MYO3B: variants seen among roughly 807,000 people sequenced by gnomAD.
MYO3B encodes myosin IIIB, also known as myosin-IIIb.
A neutral mutation model predicts 174.6 loss-of-function variants in MYO3B; 156 were observed. That is an observed-to-expected ratio of 0.89 (90% CI 0.78 to 1.02). MYO3B has a LOEUF of 1.02. Among genes scored for constraint, MYO3B ranks in the 50% least tolerant of loss-of-function variants. The pLI is 0.00. For missense variants in MYO3B, 1,632 were observed against 1,639.4 expected (o/e 1.00, Z 0.08); for synonymous variants, 563 against 569.1 (o/e 0.99, Z 0.15).
intron 32 of MYO3B, chr2:170,602,300 G>A (rs1694563226): frequency 2.8e-6 from 2 of 720,468 alleles, no homozygotes; most frequent in African/African-American, 1.7e-5. Context: ...CCCCGGCACT[G>A]TCTCTGTGGA....
At chr2:170,370,012 G>A (rs2094228763) in intron 9 of MYO3B, among the ~76,000 whole-genome samples, 1 of 151,462 alleles carries the variant, frequency 6.6e-6, no homozygotes, top group Admixed American at 6.6e-5. Flanking sequence ...TTATACAAAT[G>A]TTTATTTTCA....
chr2:170,561,251 C>G (rs1240637534), intron 32 of MYO3B, among the ~76,000 whole-genome samples: 1 of 152,188 alleles, frequency 6.6e-6, no homozygotes, highest in Non-Finnish European at 1.5e-5. Context: ...CTCTCATCTA[C>G]CACCCTGAGC....
At chr2:170,419,219 C>T (rs974712850) in intron 22 of MYO3B, among the ~76,000 whole-genome samples, 5 of 152,204 alleles carry the variant, frequency 3.3e-5, no homozygotes, top group African/African-American at 1.2e-4. Flanking sequence ...CTCCGAGGAT[C>T]AGGACGTACT....
chr2:170,499,475 A>G (rs1559059485), intron 26 of MYO3B, among the ~76,000 whole-genome samples, 171 bp from the exon 27 acceptor site: 1 of 152,228 alleles, frequency 6.6e-6, no homozygotes, highest in African/African-American at 2.4e-5. Flanking sequence ...GCTCAATCTT[A>G]GAAGGAGAAT....
chr2:170,544,649 A>G (rs767774401), intron 32 of MYO3B, among the ~76,000 whole-genome samples: 6 of 152,196 alleles, frequency 3.9e-5, no homozygotes, highest in Non-Finnish European at 8.8e-5. Flanking sequence ...ATATAAAGTA[A>G]TTTCTCAGAT....
At chr2:170,445,828 A>C (rs2094837834) in intron 23 of MYO3B, among the ~76,000 whole-genome samples, 2 of 152,060 alleles carry the variant, frequency 1.3e-5, no homozygotes, top group African/African-American at 4.8e-5. Context: ...TGTAGAGATG[A>C]GGTCTTGCTA....
intron 32 of MYO3B, among the ~76,000 whole-genome samples, chr2:170,604,617 T>C (rs1170574196): frequency 6.6e-6 from 1 of 152,176 alleles, no homozygotes; most frequent in Non-Finnish European, 1.5e-5. Flanking sequence ...TAATTCTTTC[T>C]GAAATAAAAG....
chr2:170,530,509 G>A (rs151246240), intron 30 of MYO3B, among the ~76,000 whole-genome samples: 1 of 152,272 alleles, frequency 6.6e-6, no homozygotes, highest in South Asian at 2.1e-4. Context: ...AATCTGAGGG[G>A]TTCTGCTTGG....
chr2:170,253,720 GA>G (rs1332228474), intron 7 of MYO3B, among the ~76,000 whole-genome samples: 1 of 152,168 alleles, frequency 6.6e-6, no homozygotes, highest in Non-Finnish European at 1.5e-5. Flanking sequence ...ATTGAGATAA[GA>G]GAAGAATAAG....
intron 7 of MYO3B, among the ~76,000 whole-genome samples, chr2:170,309,271 T>C (rs986900415): frequency 1.3e-5 from 2 of 152,230 alleles, no homozygotes; most frequent in Non-Finnish European, 2.9e-5. Flanking sequence ...TAAATTACTG[T>C]GTGTAATAAA....
intron 7 of MYO3B, among the ~76,000 whole-genome samples, chr2:170,255,200 C>T (rs985540309): frequency 4.0e-4 from 61 of 152,138 alleles, no homozygotes; most frequent in African/African-American, 1.4e-3. Context: ...TGGCTTGAGC[C>T]GCTGCTAAGA....
At chr2:170,560,994 C>T (rs1691674426) in intron 32 of MYO3B, among the ~76,000 whole-genome samples, 1 of 152,224 alleles carries the variant, frequency 6.6e-6, no homozygotes, top group Admixed American at 6.5e-5. Context: ...CCAGAGCAGT[C>T]AGCTCACAAC....
intron 8 of MYO3B, among the ~76,000 whole-genome samples, chr2:170,338,607 TG>T (rs2093959830): frequency 1.3e-5 from 2 of 151,956 alleles, no homozygotes; most frequent in South Asian, 4.1e-4. Context: ...TTCTTTTTTT[TG>T]TTTGTTTGTT....
chr2:170,623,922 A>T (rs1286231044), intron 32 of MYO3B, among the ~76,000 whole-genome samples: 1 of 151,954 alleles, frequency 6.6e-6, no homozygotes, highest in Non-Finnish European at 1.5e-5. Context: ...GTTCTGTTCC[A>T]TTGGTCTATA....
At chr2:170,369,536 G>C (rs1175304584) in intron 9 of MYO3B, among the ~76,000 whole-genome samples, 159 bp downstream of exon 9, 1 of 152,200 alleles carries the variant, frequency 6.6e-6, no homozygotes. Context: ...CAGTGGATGA[G>C]AGCAGGAGAA....
intron 28 of MYO3B, among the ~76,000 whole-genome samples, chr2:170,510,834 A>G (rs1687932930): frequency 6.6e-6 from 1 of 152,216 alleles, no homozygotes. Context: ...GGAGTCATAC[A>G]GCGTGAAACT....
intron 25 of MYO3B, among the ~76,000 whole-genome samples, chr2:170,485,583 C>A (rs1474026590): frequency 6.6e-6 from 1 of 152,198 alleles, no homozygotes; most frequent in Non-Finnish European, 1.5e-5. Flanking sequence ...TTCCTTTCAA[C>A]CCCCTCATTG....
intron 28 of MYO3B, among the ~76,000 whole-genome samples, chr2:170,511,564 G>A (rs906911033): frequency 1.4e-4 from 22 of 152,136 alleles, no homozygotes; most frequent in African/African-American, 5.1e-4. Flanking sequence ...CTTACTTCCT[G>A]TAATTATCAT....
chr2:170,535,885 A>G (rs931630554), intron 30 of MYO3B, among the ~76,000 whole-genome samples: 3 of 151,990 alleles, frequency 2.0e-5, no homozygotes, highest in African/African-American at 7.2e-5. Context: ...AGATCACAAT[A>G]CCCTTCTCCA....
Sources: gnomAD v4.1 joint callset for allele counts (sites outside exome capture counted in the v4.1 genomes callset) on GRCh38, gnomAD v4.1.1 for gene constraint, MANE v1.5 for transcripts, NCBI Gene and HGNC (gene_info 2026-07-23, HGNC 2026-07-21) for gene names.